PPP1R12B: variants seen among roughly 807,000 people sequenced by gnomAD.
The protein encoded by PPP1R12B is protein phosphatase 1 regulatory subunit 12B.
Under a neutral mutation model 126.1 loss-of-function variants are expected in PPP1R12B, and 76 were observed. That is an observed-to-expected ratio of 0.60 (90% confidence interval 0.50 to 0.73). The LOEUF is 0.73. Ranked by LOEUF, PPP1R12B falls within the 30% of genes least tolerant of loss-of-function variation. PPP1R12B has a pLI of 0.00. For missense variants in PPP1R12B, 1,052 were observed against 1,205.1 expected (o/e 0.87, Z 1.88); for synonymous variants, 356 against 434.7 (o/e 0.82, Z 2.25).
chr1:202,445,317 C>A, intron 12 of PPP1R12B: 2 of 1,096,838 alleles, frequency 1.8e-6, no homozygotes, highest in East Asian at 3.2e-5. Flanking sequence ...GAGACTTTAT[C>A]ACTATAAAAA....
At chr1:202,354,227 C>T (rs964001712) in intron 1 of PPP1R12B, among the ~76,000 whole-genome samples, 2 of 152,038 alleles carry the variant, frequency 1.3e-5, no homozygotes, top group Admixed American at 1.3e-4. Flanking sequence ...AGATGTAGAA[C>T]GTTACCCTCA....
intron 1 of PPP1R12B, among the ~76,000 whole-genome samples, chr1:202,403,207 G>A (rs1204175910): frequency 1.3e-5 from 2 of 152,192 alleles, no homozygotes; most frequent in Non-Finnish European, 2.9e-5. Flanking sequence ...GAAGGCAGCT[G>A]CCACTCAACT....
intron 9 of PPP1R12B, among the ~76,000 whole-genome samples, chr1:202,436,867 T>TTTG (rs543010712): frequency 6.6e-6 from 1 of 152,082 alleles, no homozygotes; most frequent in Admixed American, 6.6e-5. Context: ...TTTGTTTTTT[T>TTTG]TTGTTGTTGT....
chr1:202,445,495 C>A (rs963488914), intron 12 of PPP1R12B, among the ~76,000 whole-genome samples: 1 of 152,164 alleles, frequency 6.6e-6, no homozygotes, highest in Non-Finnish European at 1.5e-5. Context: ...AACAACCTAA[C>A]CAGTTGTGAT....
intron 18 of PPP1R12B, chr1:202,502,337 A>G (rs1447870517): frequency 7.1e-6 from 7 of 985,288 alleles, no homozygotes; most frequent in East Asian, 2.3e-4. Context: ...ATTAAATGCA[A>G]GGTTTTCAAA....
At chr1:202,489,320 A>T (rs1052007009) in intron 14 of PPP1R12B, among the ~76,000 whole-genome samples, 1 of 152,214 alleles carries the variant, frequency 6.6e-6, no homozygotes, top group Non-Finnish European at 1.5e-5. Context: ...GAGTTTGGCA[A>T]TTCCTCAAAA....
intron 18 of PPP1R12B, among the ~76,000 whole-genome samples, chr1:202,523,823 T>C (rs1408977657): frequency 1.3e-5 from 2 of 152,306 alleles, no homozygotes; most frequent in East Asian, 3.9e-4. Context: ...CAAGCGATTC[T>C]CCTGCCTCAG....
chr1:202,434,658 A>G lies in PPP1R12B; in HGVS notation c.1144A>G (p.Lys382Glu). 6.2e-7 allele frequency: 1 copy of G among 1,609,220 alleles called. No homozygotes were observed. The highest frequency in any genetic ancestry group is 8.5e-7 in the Non-Finnish European group (1 of 1,178,882). Residue 382 changes from lysine to glutamate, a missense_variant and splice_region_variant, in exon 9 of 24, where the codon AAA becomes GAA. Transcript: ENST00000608999. ...AATTCTCTTGTCTTAAATAACAGAT[A>G]AAAAGCCAGAAGCCTTTGTCAATCA... Reference protein sequence around the residue: ...SESETEKEADKKPEAFVNHSN... With the variant: ...SESETEKEADEKPEAFVNHSN...
At chr1:202,414,833 G>T (rs1667853530) in intron 1 of PPP1R12B, among the ~76,000 whole-genome samples, 1 of 152,048 alleles carries the variant, frequency 6.6e-6, no homozygotes, top group South Asian at 2.1e-4. Context: ...TGTCACTCAG[G>T]CTGGAGAGCA....
chr1:202,524,607 C>CATATAATG (rs1387538132), intron 18 of PPP1R12B, among the ~76,000 whole-genome samples: 12 of 152,170 alleles, frequency 7.9e-5, no homozygotes, highest in East Asian at 7.7e-4. Flanking sequence ...TGAGTGAGAA[C>CATATAATG]ATATAATGTT....
At chr1:202,571,945 A>T (rs1045590373) in intron 23 of PPP1R12B, among the ~76,000 whole-genome samples, 2 of 152,154 alleles carry the variant, frequency 1.3e-5, no homozygotes, top group African/African-American at 4.8e-5. Flanking sequence ...ACTAAGGGAG[A>T]AGCATCTGTG....
chr1:202,363,621 T>C (rs1367010727), intron 1 of PPP1R12B, among the ~76,000 whole-genome samples: 3 of 152,216 alleles, frequency 2.0e-5, no homozygotes, highest in South Asian at 4.1e-4. Context: ...TGAAAGACTA[T>C]TATAGGACCA....
intron 11 of PPP1R12B, among the ~76,000 whole-genome samples, chr1:202,441,757 T>C (rs559257519): frequency 6.1e-4 from 93 of 152,198 alleles, no homozygotes; most frequent in African/African-American, 2.0e-3. Context: ...CTGTAGTAAC[T>C]TTTTTTCTCG....
At chr1:202,533,948 C>G (rs1053842576) in intron 18 of PPP1R12B, among the ~76,000 whole-genome samples, 1 of 152,134 alleles carries the variant, frequency 6.6e-6, no homozygotes, top group African/African-American at 2.4e-5. Flanking sequence ...CTTTGAACAT[C>G]CATTAATACT....
chr1:202,407,738 GT>G (rs946173081), intron 1 of PPP1R12B, among the ~76,000 whole-genome samples: 47 of 152,236 alleles, frequency 3.1e-4, no homozygotes, highest in African/African-American at 1.1e-3. Context: ...CTACTGATAG[GT>G]TAAAGCCTTC....
chr1:202,365,496 G>C (rs1296099170), intron 1 of PPP1R12B, among the ~76,000 whole-genome samples: 1 of 152,020 alleles, frequency 6.6e-6, no homozygotes, highest in Non-Finnish European at 1.5e-5. Context: ...TATGCATTTT[G>C]CTTTTTAAAA....
chr1:202,384,182 A>G (rs1449983755), intron 1 of PPP1R12B, among the ~76,000 whole-genome samples: 1 of 152,214 alleles, frequency 6.6e-6, no homozygotes, highest in Admixed American at 6.5e-5. Flanking sequence ...CATTTGACCC[A>G]TGAGTTCTGC....
At chr1:202,555,327 A>AAAAAAAAAAAAAG (rs1489163880) in intron 18 of PPP1R12B, among the ~76,000 whole-genome samples, 1 of 55,488 alleles carries the variant, frequency 1.8e-5, no homozygotes, top group Non-Finnish European at 4.6e-5. Flanking sequence ...GTTTTAATGA[A>AAAAAAAAAAAAAG]AAAAAAAAAA....
At chr1:202,450,965 C>T (rs1007448097) in intron 13 of PPP1R12B, among the ~76,000 whole-genome samples, 2 of 152,080 alleles carry the variant, frequency 1.3e-5, no homozygotes, top group African/African-American at 4.8e-5. Flanking sequence ...GACGTTTTAA[C>T]AATATTGATT....
Sources: allele counts gnomAD v4.1 joint callset (sites outside exome capture counted in the v4.1 genomes callset), GRCh38; gene constraint gnomAD v4.1.1; transcripts MANE v1.5; gene names NCBI Gene and HGNC (gene_info 2026-07-23, HGNC 2026-07-21).